AKNA: variants seen among roughly 807,000 people sequenced by gnomAD.
The protein encoded by AKNA is AT-hook transcription factor.
A neutral mutation model predicts 138.8 loss-of-function variants in AKNA; 67 were observed. That is an observed-to-expected ratio of 0.48 (90% CI 0.40 to 0.59). The LOEUF (loss-of-function observed/expected upper bound fraction) is 0.59. AKNA is among the 20% of genes least tolerant of loss of function. The pLI is 0.00. For missense variants in AKNA, 1,813 were observed against 1,880.4 expected, an observed-to-expected ratio of 0.96 and a Z score of 0.66; for synonymous variants, 737 against 754.4, an observed-to-expected ratio of 0.98 and a Z score of 0.38.
At chr9:114,341,286 A>G (rs1830324808) in intron 21 of AKNA, among the ~76,000 whole-genome samples, 1 of 152,202 alleles carries the variant, frequency 6.6e-6, no homozygotes, top group Non-Finnish European at 1.5e-5. Context: ...CCCTCTTGCT[A>G]GTCCCCTTCA....
At chr9:114,368,702 A>G in intron 4 of AKNA, 107 bp from the exon 5 acceptor site, 1 of 995,816 alleles carries the variant, frequency 1.0e-6, no homozygotes, top group Non-Finnish European at 1.3e-6. Context: ...TGTAGTAATA[A>G]ATACCATCTT....
intron 7 of AKNA, among the ~76,000 whole-genome samples, chr9:114,362,786 A>G (rs2131940823): frequency 6.6e-6 from 1 of 152,348 alleles, no homozygotes; most frequent in African/African-American, 2.4e-5. Flanking sequence ...TCCAGAGGGC[A>G]CCAGCCCTTC....
downstream of AKNA, chr9:114,330,836 G>T (rs757633576): frequency 5.6e-6 from 9 of 1,613,980 alleles, no homozygotes; most frequent in South Asian, 7.7e-5. Flanking sequence ...AATGTCCAGC[G>T]GGAGAATGGG....
chr9:114,385,862 G>A (rs973955806), intron 1 of AKNA, among the ~76,000 whole-genome samples: 11 of 152,240 alleles, frequency 7.2e-5, no homozygotes, highest in African/African-American at 2.7e-4. Flanking sequence ...ACGATGCTGT[G>A]ATAGAGAAGC....
At chr9:114,387,404 G>A (rs910846659) in intron 1 of AKNA, among the ~76,000 whole-genome samples, 5 of 152,174 alleles carry the variant, frequency 3.3e-5, no homozygotes, top group South Asian at 2.1e-4. Flanking sequence ...GCTGGTCCTC[G>A]GACTGTCCTT....
chr9:114,376,370 G>A (rs746408395), intron 3 of AKNA, 96 bp downstream of exon 3: 50 of 1,038,308 alleles, frequency 4.8e-5, no homozygotes, highest in South Asian at 1.3e-5. Context: ...CTCCACCCCA[G>A]CCAGCCTCTA....
At position 114,334,977 on chromosome 9, in the gene AKNA, T is replaced by C. The variant is rs1466999776; in HGVS notation, c.*2077A>G. On this transcript the variant is annotated 3_prime_UTR_variant, in exon 22 of 22. Transcript: ENST00000374088. The stretch of plus-strand genomic sequence containing the variant: ...GAAGGCAAGTGGACAGGACAGCCTC[T>C]GGGGTCCCACAATGTCCTGGAACTG... 5 of 152,340 alleles carry C rather than the reference T, an allele frequency of 3.3e-5. No homozygotes were observed. Among genetic ancestry groups the C allele is most frequent in the Non-Finnish European group, 2.9e-5 (2 of 68,048 alleles). 9.4% of individuals were successfully genotyped at this position (152,340 alleles called of 1,614,324 possible). A position where few individuals can be genotyped will look rare whatever the true frequency, so the allele number is the denominator to read the frequency against.
Position 114,350,921 on chromosome 9 carries a change from C to T in AKNA, c.3159G>A (p.Ala1053=), listed in dbSNP as rs765268334. The T allele has an allele frequency of 1.8e-5, 29 of 1,608,878 alleles. No homozygotes were observed. Among genetic ancestry groups the T allele is most frequent in the Non-Finnish European group, 2.3e-5 (27 of 1,177,972 alleles). Residue 1053 remains alanine, a synonymous_variant, in exon 15 of 22, where the codon GCG becomes GCA. Transcript: ENST00000374088. ...TCTCTGTTGGTCCACAGGGTAGAGG[C>T]GCAGCGGCAGGGGCGGGGGCTGGGG... The part of the protein sequence containing the change: ...SPPPAPAPAA[A]PLPCGPTETI...
Position 114,376,889 on chromosome 9 carries a change from T to C in AKNA, c.918A>G (p.Pro306=), listed in dbSNP as rs1192777704. ...TGGAGCCAATGAATCGGGAAGGGAGTGGCTTAGGTGACGTCTTTGTCTGCT... is the reference window on the plus strand; with the variant it reads ...TGGAGCCAATGAATCGGGAAGGGAGCGGCTTAGGTGACGTCTTTGTCTGCT... The part of the protein sequence containing the change: ...IWKQTKTSPK[P]LPSRFIGSIS... The change falls in exon 3 of 22, where the codon CCA becomes CCG. Residue 306 remains proline, a synonymous_variant. Coordinates refer to ENST00000374088, the MANE Select transcript of AKNA (RefSeq NM_001317950.2). 6.2e-7 allele frequency: 1 copy of C among 1,613,612 alleles called. No homozygotes were observed. The highest frequency in any genetic ancestry group is 1.3e-5 in the African/African-American group (1 of 74,738).
At chr9:114,355,729 C>A (rs1251080159) in intron 14 of AKNA, among the ~76,000 whole-genome samples, 196 bp downstream of exon 14, 2 of 152,204 alleles carry the variant, frequency 1.3e-5, no homozygotes, top group Non-Finnish European at 2.9e-5. Context: ...CTCACAGGTT[C>A]TACACCAAAA....
chr9:114,353,420 C>T (rs888143571), intron 14 of AKNA, among the ~76,000 whole-genome samples: 16 of 152,218 alleles, frequency 1.1e-4, no homozygotes, highest in South Asian at 4.1e-4. Context: ...CCAGCCACCA[C>T]GTCTGGCTAA....
At chr9:114,383,456 A>C (rs975904575) in intron 1 of AKNA, among the ~76,000 whole-genome samples, 1 of 152,208 alleles carries the variant, frequency 6.6e-6, no homozygotes, top group African/African-American at 2.4e-5. Flanking sequence ...AGAGAACTGC[A>C]GCCCATCAGT....
chr9:114,358,948 C>T (rs1465150375), intron 11 of AKNA: 3 of 153,652 alleles, frequency 2.0e-5, no homozygotes, highest in Non-Finnish European at 4.3e-5. Flanking sequence ...ACGTTGTGCA[C>T]GTGTACCCTA....
intron 4 of AKNA, among the ~76,000 whole-genome samples, chr9:114,371,852 G>A (rs1246761357): frequency 6.6e-6 from 1 of 151,992 alleles, no homozygotes; most frequent in South Asian, 2.1e-4. Context: ...GGGTTCTGAG[G>A]ACTGCCTCTG....
At position 114,356,167 on chromosome 9, in the gene AKNA, G is replaced by C. The variant is rs1263876317; in HGVS notation, c.2847-31C>G. 1.9e-6 allele frequency: 3 copies of C among 1,592,256 alleles called. No individual in the cohort carries two copies. The South Asian group carries it at 3.4e-5, about 18-fold the overall frequency. On this transcript the variant is annotated intron_variant, in intron 13 of 21. Coordinates refer to ENST00000374088, the MANE Select transcript of AKNA (RefSeq NM_001317950.2). ...GGACCGTGGAGGAAGGGACACACAG[G>C]GGTCACACAGAGTGAGACACTCAGG...
chr9:114,336,834 G>C lies in AKNA; in HGVS notation c.*220C>G, dbSNP rs1319821131. 6 of 493,478 alleles carry C rather than the reference G, an allele frequency of 1.2e-5. No individual in the cohort carries two copies. Among genetic ancestry groups the C allele is most frequent in the Non-Finnish European group, 2.0e-5 (6 of 294,972 alleles). The allele number at this position is 493,478 out of a possible 1,614,324, so 30.6% of individuals were successfully genotyped here. ...CCTCGCTCACAGCACCTCTGTGAGG[G>C]GACTGGTGCTCCTGGGAAGTCACTT... On this transcript the variant is annotated 3_prime_UTR_variant, in exon 22 of 22. Transcript: ENST00000374088.
intron 4 of AKNA, among the ~76,000 whole-genome samples, chr9:114,368,949 A>G (rs1412298444): frequency 6.6e-6 from 1 of 152,218 alleles, no homozygotes. Flanking sequence ...TGGTTCTCCT[A>G]TTAACAGTAA....
chr9:114,333,398 G>A (rs1829895001), downstream of AKNA: 1 of 525,108 alleles, frequency 1.9e-6, no homozygotes, highest in Admixed American at 3.3e-5. Context: ...AGTGCTGTGG[G>A]AGCCCAGCAC....
chr9:114,333,540 C>T (rs1233101522), downstream of AKNA, among the ~76,000 whole-genome samples: 11 of 135,206 alleles, frequency 8.1e-5, no homozygotes, highest in African/African-American at 1.5e-4. Context: ...ATGATCAAAT[C>T]GGGGTCATTT....
Sources: gnomAD v4.1 joint callset for allele counts (sites outside exome capture counted in the v4.1 genomes callset) on GRCh38, gnomAD v4.1.1 for gene constraint, MANE v1.5 for transcripts, NCBI Gene and HGNC (gene_info 2026-07-23, HGNC 2026-07-21) for gene names.